Variants in EVC2 observed in about 807,000 individuals in gnomAD.
EVC2 encodes limbin.
A neutral mutation model predicts 149.3 loss-of-function variants in EVC2; 148 were observed. The ratio of observed to expected loss-of-function variants is 0.99; its 90% confidence interval spans 0.87 to 1.14. The LOEUF (loss-of-function observed/expected upper bound fraction) is 1.14, where lower values mean the gene tolerates loss of function less well. Among genes scored for constraint, EVC2 ranks in the 50% most tolerant of loss-of-function variants. The probability of loss-of-function intolerance (pLI) is 0.00; values close to 1 mark genes in which losing one functional copy is unlikely to be tolerated. For synonymous variants in EVC2, 776 were observed against 649.9 expected (o/e 1.19, Z -2.95); for missense variants, 1,854 against 1,627.3 (o/e 1.14, Z -2.40).
At chr4:5,544,865 A>G (rs1721583492) in intron 21 of EVC2, among the ~76,000 whole-genome samples, 1 of 152,068 alleles carries the variant, frequency 6.6e-6, no homozygotes. Context: ...TGCAGCCCCC[A>G]GCACCAGCCC....
At chr4:5,585,966 A>G (rs1712243510) in intron 16 of EVC2, among the ~76,000 whole-genome samples, 1 of 151,998 alleles carries the variant, frequency 6.6e-6, no homozygotes, top group Admixed American at 6.5e-5. Context: ...GGTTCAAGTG[A>G]TTTTCCTGCC....
the EVC2 span, among the ~76,000 whole-genome samples, chr4:5,537,254 G>A: frequency 6.6e-6 from 1 of 152,162 alleles, no homozygotes; most frequent in Non-Finnish European, 1.5e-5. Flanking sequence ...TTGGAGAGAG[G>A]AGAGCTATGG....
rs532827023 is a variant in EVC2 at position 5,696,722 on chromosome 4, C to A, written c.283+871G>T. 1.3e-5 allele frequency among the ~76,000 whole-genome samples: 2 copies of A among 152,208 alleles called. No individual in the cohort carries two copies. Among genetic ancestry groups the A allele is most frequent in the African/African-American group, 4.8e-5 (2 of 41,450 alleles). Reference sequence around the variant, plus strand: ...GAGAACCTTGTGCTCCTGGGTCCAGCAGTGCCAGGGCCTGTGCGTTTCAGT... The same window carrying A: ...GAGAACCTTGTGCTCCTGGGTCCAGAAGTGCCAGGGCCTGTGCGTTTCAGT... On this transcript the variant is annotated intron_variant, in intron 2 of 21. Transcript: ENST00000344408. The surrounding 1 kb of genome is among the most constrained non-coding windows in gnomAD (Gnocchi z 4.1).
At chr4:5,611,888 C>G (rs1714850063) in intron 16 of EVC2, among the ~76,000 whole-genome samples, 1 of 152,160 alleles carries the variant, frequency 6.6e-6, no homozygotes, top group Non-Finnish European at 1.5e-5. Flanking sequence ...TTTTGTTTCT[C>G]TGATTACAGA....
intron 16 of EVC2, among the ~76,000 whole-genome samples, chr4:5,585,366 T>C (rs9995842): frequency 0.43 from 64,906 of 151,924 alleles, 14,828 homozygotes; most frequent in East Asian, 0.86. Context: ...GTCCTCCCAT[T>C]CTCCCTTCCT....
intron 16 of EVC2, among the ~76,000 whole-genome samples, chr4:5,611,523 G>A (rs1714819718): frequency 6.6e-6 from 1 of 152,120 alleles, no homozygotes; most frequent in South Asian, 2.1e-4. Flanking sequence ...GACCATGGGT[G>A]ACAAAGAAAA....
chr4:5,584,660 T>G lies in EVC2; in HGVS notation c.3020A>C (p.Lys1007Thr), dbSNP rs727503920. ...EELSASEMLT[K>T]SACTQILESH... ...CTCCAGGATCTGTGTGCAGGCCGAC[T>G]TGGTCAGCATCTCAGATGCACTCAG... Residue 1007 changes from lysine to threonine, a missense_variant, in exon 17 of 22, where the codon AAG (lysine) becomes ACG (threonine). Coordinates refer to ENST00000344408, the MANE Select transcript of EVC2 (RefSeq NM_147127.5). The G allele has an allele frequency of 1.9e-6, 3 of 1,613,964 alleles. No individual in the cohort carries two copies. Among genetic ancestry groups the G allele is most frequent in the Admixed American group, 3.3e-5 (2 of 60,020 alleles).
intron 12 of EVC2, among the ~76,000 whole-genome samples, chr4:5,626,953 G>A (rs1439619652): frequency 6.6e-6 from 1 of 152,132 alleles, no homozygotes; most frequent in South Asian, 2.1e-4. Context: ...CAGCTTGCAG[G>A]CAGCAGACAA....
At chr4:5,588,088 A>G (rs1392207826) in intron 16 of EVC2, among the ~76,000 whole-genome samples, 2 of 152,186 alleles carry the variant, frequency 1.3e-5, no homozygotes, top group Non-Finnish European at 2.9e-5. Context: ...TGAATCTCCT[A>G]GTAAGGAAAA....
In EVC2 at chr4:5,648,955, CCAT is replaced by C. The variant is rs1717917586; in HGVS notation, c.1146-8120_1146-8118del. On this transcript the variant is annotated intron_variant, in intron 9 of 21. Coordinates refer to ENST00000344408, the MANE Select transcript of EVC2 (RefSeq NM_147127.5). Reference sequence around the variant, plus strand: ...AACAAATACTAAGAATTCTTCATTTCCATACAGGATCAGGTCCACTGGTGAAGA... The same window carrying C: ...AACAAATACTAAGAATTCTTCATTTCACAGGATCAGGTCCACTGGTGAAGA... Among the ~76,000 whole-genome samples the C allele has an allele frequency of 2.6e-5, 4 of 152,340 alleles. No individual in the cohort carries two copies. In the South Asian group the frequency reaches 8.3e-4, roughly 32 times the overall value.
upstream of EVC2, chr4:5,709,455 G>C (rs1051417787): frequency 6.6e-6 from 1 of 152,222 alleles, no homozygotes. Flanking sequence ...GCCCCTGGCA[G>C]CCTCTCTCCC....
In EVC2 at chr4:5,663,264, AAAT is replaced by A; in HGVS notation, c.1006-21_1006-19del. 1.2e-6 allele frequency: 2 copies of A among 1,613,834 alleles called. No homozygotes were observed. The highest frequency in any genetic ancestry group is 1.1e-5 in the South Asian group (1 of 91,070). On this transcript the variant is annotated intron_variant, in intron 8 of 21. Coordinates refer to ENST00000344408, the MANE Select transcript of EVC2 (RefSeq NM_147127.5). Reference sequence around the variant, plus strand: ...TGCCAAACCTTCAGGAGAATTGCGGAAATAATAATTGATTGGGCCTTCTTGTGA... The same window carrying A: ...TGCCAAACCTTCAGGAGAATTGCGGAAATAATTGATTGGGCCTTCTTGTGA...
At chr4:5,680,363 A>G (rs1313718170) in intron 7 of EVC2, among the ~76,000 whole-genome samples, 1 of 152,232 alleles carries the variant, frequency 6.6e-6, no homozygotes, top group Non-Finnish European at 1.5e-5. Context: ...TCACACCAGA[A>G]TCACCAAACA....
In EVC2 at chr4:5,614,702, GCA is replaced by G. The variant is rs1328930863; in HGVS notation, c.2829+718_2829+719del. ...CACGTATGAAATGGGGCTGGGCCAG[GCA>G]CAGTGCCTCACGCCTGTAATCCCAG... On this transcript the variant is annotated intron_variant, in intron 16 of 21. Transcript: ENST00000344408. This position sits in a 1 kb window ranked among gnomAD's most constrained non-coding sequence, Gnocchi z 4.7. Among the ~76,000 whole-genome samples, 8 of 152,206 alleles carry G rather than the reference GCA, an allele frequency of 5.3e-5. No individual in the cohort carries two copies. Among genetic ancestry groups the G allele is most frequent in the African/African-American group, 2.4e-5 (1 of 41,456 alleles).
intron 16 of EVC2, among the ~76,000 whole-genome samples, chr4:5,591,247 C>T (rs908812026): frequency 6.6e-6 from 1 of 152,198 alleles, no homozygotes; most frequent in Non-Finnish European, 1.5e-5. Context: ...TTGCCCCTTT[C>T]TCTAAGTGCC....
rs978258574 is a variant in EVC2 at position 5,556,902 on chromosome 4, A to C, written c.3419+8356T>G. ...CAACGTGAAGGAGATAACCTAAATAAACCATATCTATTAAATAAACAATCT... is the reference window on the plus strand; with the variant it reads ...CAACGTGAAGGAGATAACCTAAATACACCATATCTATTAAATAAACAATCT... On this transcript the variant is annotated intron_variant and NMD_transcript_variant, in intron 21 of 22. Coordinates refer to the EVC2 transcript ENST00000475313. 2.4e-5 allele frequency among the ~76,000 whole-genome samples: 3 copies of C among 127,158 alleles called. No homozygotes were observed. The Admixed American group carries it at 2.5e-4, about 11-fold the overall frequency. The allele number at this position is 127,158 out of a possible 152,430, so 83.4% of individuals were successfully genotyped here.
chr4:5,541,235 C>G (rs1406653371), downstream of EVC2, among the ~76,000 whole-genome samples: 1 of 152,102 alleles, frequency 6.6e-6, no homozygotes. Flanking sequence ...TAGGAGGTGC[C>G]AGGCACTGTT....
At position 5,640,664 on chromosome 4, in the gene EVC2, T is replaced by G. The variant is rs1717261682; in HGVS notation, c.1320A>C (p.Glu440Asp). The G allele has an allele frequency of 6.2e-7, 1 of 1,614,082 alleles. No homozygotes were observed. The highest frequency in any genetic ancestry group is 8.5e-7 in the Non-Finnish European group (1 of 1,180,042). The part of the protein sequence containing the change: ...AVFKKQFLLL[E>D]NEIQEEYDRK... ...GATCGTACTCCTCTTGTATTTCATT[T>G]TCCAGCAATAGAAACTGCTTTTTGA... The change falls in exon 10 of 22, where the codon GAA becomes GAC. Residue 440 changes from glutamate to aspartate, a missense_variant. Transcript: ENST00000344408. This position sits in a 1 kb window ranked among gnomAD's most constrained non-coding sequence, Gnocchi z 4.6.
Position 5,701,957 on chromosome 4 carries a change from C to A in EVC2, c.229-4310G>T, listed in dbSNP as rs1405985478. ...TTACCTCCCCAGTCCAGCTCCCCTC[C>A]ATAGCCCCCTGGCCTCCCGCCTGCC... is the stretch of plus-strand genomic sequence containing the variant. On this transcript the variant is annotated intron_variant, in intron 1 of 21. Coordinates refer to ENST00000344408, the MANE Select transcript of EVC2 (RefSeq NM_147127.5). Among the ~76,000 whole-genome samples the A allele has an allele frequency of 2.0e-5, 3 of 152,252 alleles. No individual in the cohort carries two copies. The East Asian group carries it at 5.8e-4, about 30-fold the overall frequency.
Sources: allele counts gnomAD v4.1 joint callset (sites outside exome capture counted in the v4.1 genomes callset), GRCh38; gene constraint gnomAD v4.1.1; non-coding constraint Gnocchi (gnomAD v3.1); transcripts MANE v1.5; gene names NCBI Gene and HGNC (gene_info 2026-07-23, HGNC 2026-07-21).